The following VPS8 variants were observed in gnomAD, a reference collection of about 807,000 sequenced individuals.
VPS8 encodes the protein vacuolar protein sorting-associated protein 8 homolog.
VPS8 carries 129 observed loss-of-function variants against 216.4 expected under a neutral mutation model. The ratio of observed to expected loss-of-function variants is 0.60; its 90% confidence interval spans 0.52 to 0.69. The LOEUF (loss-of-function observed/expected upper bound fraction) is 0.69. Ranked by LOEUF, VPS8 falls within the 30% of genes least tolerant of loss-of-function variation. The probability of loss-of-function intolerance (pLI) is 0.00; values close to 1 mark genes in which losing one functional copy is unlikely to be tolerated. For synonymous variants in VPS8, 571 were observed against 565.4 expected, an observed-to-expected ratio of 1.01 and a Z score of -0.14; for missense variants, 1,531 against 1,683.5, an observed-to-expected ratio of 0.91 and a Z score of 1.59.
intron 36 of VPS8, among the ~76,000 whole-genome samples, chr3:184,947,579 T>C (rs2109376432): frequency 6.6e-6 from 1 of 151,908 alleles, no homozygotes; most frequent in Non-Finnish European, 1.5e-5. Flanking sequence ...AAATCAACTC[T>C]ATGATATAGA....
chr3:184,950,244 T>TTTTA (rs1412761706), intron 36 of VPS8, among the ~76,000 whole-genome samples: 6 of 141,570 alleles, frequency 4.2e-5, no homozygotes, highest in Non-Finnish European at 7.6e-5. Context: ...TTTTTTTTTT[T>TTTTA]ACTCTAGCTT....
intron 21 of VPS8, among the ~76,000 whole-genome samples, chr3:184,883,385 C>T (rs976733501): frequency 9.9e-5 from 15 of 152,130 alleles, no homozygotes; most frequent in African/African-American, 3.6e-4. Context: ...TGAAGGTGTT[C>T]CTCAGATCTG....
intron 1 of VPS8, chr3:184,812,797 GC>G (rs1326169611): frequency 6.6e-6 from 1 of 152,292 alleles, no homozygotes; most frequent in Non-Finnish European, 1.5e-5. Flanking sequence ...CAGGTGTGTA[GC>G]CGGTCTGTCG....
At chr3:185,049,738 C>T (rs967520566) in intron 47 of VPS8, among the ~76,000 whole-genome samples, 5 of 152,268 alleles carry the variant, frequency 3.3e-5, no homozygotes, top group East Asian at 1.9e-4. Context: ...GAGCTTGTCT[C>T]GAGCTTGTGC....
At chr3:184,828,766 A>G (rs1476862435) in intron 3 of VPS8, among the ~76,000 whole-genome samples, 2 of 152,214 alleles carry the variant, frequency 1.3e-5, no homozygotes, top group Admixed American at 6.5e-5. Context: ...TCATACATAG[A>G]GGAAGGTGCA....
Position 184,838,710 on chromosome 3 carries a change from T to G in VPS8, c.448-4T>G. On this transcript the variant is annotated splice_region_variant and splice_polypyrimidine_tract_variant and intron_variant, in intron 5 of 47. Transcript: ENST00000625842. Reference sequence around the variant, plus strand: ...TCAAATACTTTCTTTAAAATTTCATTTAGGACAAAGTAGATGCTGGCTTGC... The same window carrying G: ...TCAAATACTTTCTTTAAAATTTCATGTAGGACAAAGTAGATGCTGGCTTGC... 6.5e-7 allele frequency: 1 copy of G among 1,539,278 alleles called. No homozygotes were observed. Among genetic ancestry groups the G allele is most frequent in the Non-Finnish European group, 8.7e-7 (1 of 1,143,350 alleles).
At chr3:184,980,141 G>A (rs1448154852) in intron 40 of VPS8, among the ~76,000 whole-genome samples, 2 of 152,120 alleles carry the variant, frequency 1.3e-5, no homozygotes, top group Non-Finnish European at 2.9e-5. Context: ...TGGTTTGTGT[G>A]GTTTCTGCAG....
intron 46 of VPS8, among the ~76,000 whole-genome samples, chr3:185,026,785 T>C (rs2110088249): frequency 6.9e-6 from 1 of 145,384 alleles, no homozygotes; most frequent in African/African-American, 2.5e-5. Flanking sequence ...CTTGGCTCAC[T>C]GCAACCTCCG....
intron 36 of VPS8, among the ~76,000 whole-genome samples, chr3:184,945,363 A>G (rs537023156): frequency 6.6e-6 from 1 of 152,104 alleles, no homozygotes; most frequent in East Asian, 1.9e-4. Context: ...CTTGACAGGC[A>G]TGGGAGATAA....
chr3:184,857,967 G>A (rs1278166800), intron 14 of VPS8, among the ~76,000 whole-genome samples: 1 of 152,136 alleles, frequency 6.6e-6, no homozygotes, highest in Non-Finnish European at 1.5e-5. Flanking sequence ...CACATGAAGG[G>A]CCCACATTAA....
chr3:184,867,980 C>A, intron 17 of VPS8, 44 bp from the exon 18 acceptor site: 1 of 1,607,088 alleles, frequency 6.2e-7, no homozygotes, highest in Non-Finnish European at 8.5e-7. Context: ...CCAAAGAAGT[C>A]TGTTAAGGGT....
intron 42 of VPS8, among the ~76,000 whole-genome samples, chr3:184,983,826 T>G (rs1750603934): frequency 8.0e-6 from 1 of 125,048 alleles, no homozygotes; most frequent in Non-Finnish European, 1.6e-5. Flanking sequence ...TATGATGCCA[T>G]TAGTCTTTAT....
intron 22 of VPS8, among the ~76,000 whole-genome samples, chr3:184,886,706 A>G (rs964822527): frequency 6.6e-6 from 1 of 151,772 alleles, no homozygotes; most frequent in Non-Finnish European, 1.5e-5. Context: ...CAGCCTCCCT[A>G]GTAGCTGGTA....
chr3:184,896,015 GA>G (rs1433762537), intron 23 of VPS8, among the ~76,000 whole-genome samples: 1 of 152,042 alleles, frequency 6.6e-6, no homozygotes, highest in Admixed American at 6.5e-5. Context: ...TCTTGAGCTT[GA>G]ATATGGAAGA....
intron 13 of VPS8, 143 bp downstream of exon 13, chr3:184,854,316 A>T: frequency 2.2e-6 from 2 of 895,084 alleles, no homozygotes; most frequent in Non-Finnish European, 3.5e-6. Context: ...CGTTGGCTGG[A>T]CTTGCCTTAA....
At chr3:184,823,914 A>G (rs1718155590) in intron 1 of VPS8, among the ~76,000 whole-genome samples, 1 of 152,164 alleles carries the variant, frequency 6.6e-6, no homozygotes, top group Non-Finnish European at 1.5e-5. Context: ...TCTCTCTGAA[A>G]ATGTCCATGT....
At position 185,051,942 on chromosome 3, in the gene VPS8, CAG is replaced by C. The variant is rs1271168192; in HGVS notation, c.4207_4208del (p.Ser1403CysfsTer11). 1.2e-6 allele frequency: 2 copies of C among 1,613,488 alleles called. No individual in the cohort carries two copies. Among genetic ancestry groups the C allele is most frequent in the Non-Finnish European group, 1.7e-6 (2 of 1,179,756 alleles). ...GAGCTATAGGCCATTCAGTGGCTCG[CAG>C]AGTGCTCCTGCTTTCAACAGCATCT... Reference protein sequence around the residue: ...SESYRPFSGSQSAPAFNSIFQ... With the variant: ...SESYRPFSGSXSAPAFNSIFQ... On this transcript the variant is annotated frameshift_variant, in exon 48 of 48. Transcript: ENST00000625842. LOFTEE classifies it high-confidence loss of function.
chr3:184,813,067 T>C (rs1199054399), intron 1 of VPS8, among the ~76,000 whole-genome samples: 2 of 152,134 alleles, frequency 1.3e-5, no homozygotes, highest in African/African-American at 2.4e-5. Context: ...AAACAGCTGC[T>C]CAGAGTGTCT....
chr3:184,824,934 C>G, intron 2 of VPS8, 149 bp downstream of exon 2: 1 of 699,618 alleles, frequency 1.4e-6, no homozygotes, highest in Non-Finnish European at 2.3e-6. Context: ...GATACAGGGT[C>G]TCACTCTGTT....
Sources: allele counts gnomAD v4.1 joint callset (sites outside exome capture counted in the v4.1 genomes callset), GRCh38; gene constraint gnomAD v4.1.1; transcripts MANE v1.5; gene names NCBI Gene and HGNC (gene_info 2026-07-23, HGNC 2026-07-21).